Variants in TASP1 observed in about 807,000 individuals in gnomAD.
TASP1 encodes the protein taspase 1.
Under a neutral mutation model 56.6 loss-of-function variants are expected in TASP1, and 16 were observed. The observed-to-expected ratio is 0.28, with a 90% CI of 0.19 to 0.43. TASP1 has a LOEUF of 0.43. Ranked by LOEUF, TASP1 falls within the 20% of genes least tolerant of loss-of-function variation. The pLI is 1.00. For synonymous variants in TASP1, 179 were observed against 184.2 expected, an observed-to-expected ratio of 0.97 and a Z score of 0.23; for missense variants, 393 against 511.6, an observed-to-expected ratio of 0.77 and a Z score of 2.24.
the TASP1 span, among the ~76,000 whole-genome samples, chr20:13,213,518 C>T: frequency 2.0e-5 from 3 of 152,134 alleles, no homozygotes; most frequent in Admixed American, 6.5e-5. Flanking sequence ...GAGGACAGCC[C>T]TCCTCTAATA....
intron 7 of TASP1, among the ~76,000 whole-genome samples, chr20:13,568,428 AAT>A (rs552573899): frequency 5.3e-5 from 8 of 152,306 alleles, no homozygotes; most frequent in African/African-American, 9.6e-5. Context: ...TTATTTAAAA[AAT>A]AGTGTTTTTA....
At chr20:13,439,153 T>C (rs2043126762) in intron 11 of TASP1, among the ~76,000 whole-genome samples, 1 of 152,236 alleles carries the variant, frequency 6.6e-6, no homozygotes, top group East Asian at 1.9e-4. Context: ...AGCCCATTAC[T>C]GGGTATACAC....
intron 4 of TASP1, among the ~76,000 whole-genome samples, chr20:13,587,921 T>C (rs1173594659): frequency 2.0e-5 from 3 of 152,000 alleles, no homozygotes; most frequent in African/African-American, 7.3e-5. Flanking sequence ...AGCCTAGCTG[T>C]TCAAGACCAC....
At chr20:13,352,440 A>G in the TASP1 span, among the ~76,000 whole-genome samples, 4 of 147,042 alleles carry the variant, frequency 2.7e-5, no homozygotes, top group African/African-American at 1.0e-4. Flanking sequence ...ACAGAGCAAG[A>G]CTGTCTCAAA....
chr20:13,381,532 G>A, the TASP1 span, among the ~76,000 whole-genome samples: 1 of 152,328 alleles, frequency 6.6e-6, no homozygotes, highest in African/African-American at 2.4e-5. Flanking sequence ...ATCTTGAGAA[G>A]TCTGTTAAGG....
At chr20:13,582,820 G>T (rs1023372610) in intron 5 of TASP1, among the ~76,000 whole-genome samples, 2 of 152,110 alleles carry the variant, frequency 1.3e-5, no homozygotes, top group Non-Finnish European at 2.9e-5. Context: ...ACCCTTTATT[G>T]CCTGATGTGT....
At chr20:13,436,415 C>T (rs910672958) in intron 11 of TASP1, among the ~76,000 whole-genome samples, 2 of 151,804 alleles carry the variant, frequency 1.3e-5, no homozygotes, top group African/African-American at 4.8e-5. Context: ...GTGACACAGG[C>T]TGCAAGCCCA....
intron 11 of TASP1, among the ~76,000 whole-genome samples, chr20:13,455,201 T>C (rs1213890879): frequency 9.9e-5 from 15 of 152,128 alleles, no homozygotes; most frequent in Admixed American, 9.8e-4. Flanking sequence ...ACTGACAAAA[T>C]GGCTAATAAG....
chr20:13,307,726 T>A, the TASP1 span, among the ~76,000 whole-genome samples: 1 of 152,228 alleles, frequency 6.6e-6, no homozygotes, highest in Non-Finnish European at 1.5e-5. Context: ...TTGCTCAATA[T>A]TGGATTGTGA....
the TASP1 span, among the ~76,000 whole-genome samples, chr20:13,243,541 G>A: frequency 6.6e-6 from 1 of 152,082 alleles, no homozygotes; most frequent in Admixed American, 6.5e-5. Flanking sequence ...TTAGCTGTTT[G>A]TCTTATTCCT....
the TASP1 span, among the ~76,000 whole-genome samples, chr20:13,236,512 C>T: frequency 1.3e-5 from 2 of 152,104 alleles, no homozygotes; most frequent in South Asian, 4.1e-4. Context: ...ATTTCAAAAC[C>T]AATCATGCCT....
intron 10 of TASP1, among the ~76,000 whole-genome samples, chr20:13,522,224 G>A (rs2044791454): frequency 6.6e-6 from 1 of 152,140 alleles, no homozygotes; most frequent in South Asian, 2.1e-4. Context: ...TATTAAGATG[G>A]GAAGTGGCTT....
chr20:13,448,493 C>A (rs1484082657), intron 11 of TASP1, among the ~76,000 whole-genome samples: 3 of 152,008 alleles, frequency 2.0e-5, no homozygotes, highest in African/African-American at 7.2e-5. Flanking sequence ...TGTGATTTTG[C>A]TTTAGGGTCA....
the TASP1 span, among the ~76,000 whole-genome samples, chr20:13,308,706 T>C: frequency 4.2e-4 from 64 of 152,214 alleles, no homozygotes; most frequent in Non-Finnish European, 8.1e-4. Flanking sequence ...AAATTACAGA[T>C]GGATGCATGT....
At chr20:13,214,688 C>T in the TASP1 span, among the ~76,000 whole-genome samples, 3 of 152,052 alleles carry the variant, frequency 2.0e-5, no homozygotes, top group Admixed American at 6.6e-5. Flanking sequence ...ACCTCTGCTG[C>T]GTTTTGCTAG....
chr20:13,294,545 A>C, the TASP1 span, among the ~76,000 whole-genome samples: 3 of 152,206 alleles, frequency 2.0e-5, no homozygotes, highest in Non-Finnish European at 4.4e-5. Flanking sequence ...CCACATTGGC[A>C]TGTGGCTAAG....
the TASP1 span, among the ~76,000 whole-genome samples, chr20:13,253,354 C>T: frequency 6.6e-6 from 1 of 152,172 alleles, no homozygotes; most frequent in Non-Finnish European, 1.5e-5. Context: ...GGTGACCACT[C>T]AGAGGGTCTC....
At chr20:13,401,696 C>T (rs991198027) in intron 13 of TASP1, among the ~76,000 whole-genome samples, 1 of 152,176 alleles carries the variant, frequency 6.6e-6, no homozygotes, top group African/African-American at 2.4e-5. Context: ...TTCCTTTCAT[C>T]ATTTGGCTAC....
the TASP1 span, among the ~76,000 whole-genome samples, chr20:13,122,834 C>T: frequency 6.6e-6 from 1 of 152,112 alleles, no homozygotes; most frequent in Admixed American, 6.5e-5. Flanking sequence ...TGCCACCCCT[C>T]CCCATAAGGA....
Sources: gnomAD v4.1 joint callset for allele counts (sites outside exome capture counted in the v4.1 genomes callset) on GRCh38, gnomAD v4.1.1 for gene constraint, MANE v1.5 for transcripts, NCBI Gene and HGNC (gene_info 2026-07-23, HGNC 2026-07-21) for gene names.